Variants in LRRC7 observed in about 807,000 individuals in gnomAD.
LRRC7 encodes leucine rich repeat containing 7.
Under a neutral mutation model 175.7 loss-of-function variants are expected in LRRC7, and 23 were observed. The observed-to-expected ratio is 0.13, with a 90% CI of 0.09 to 0.19. The LOEUF (loss-of-function observed/expected upper bound fraction) is 0.19. LRRC7 is among the 10% of genes least tolerant of loss of function. The pLI is 1.00. For synonymous variants in LRRC7, 685 were observed against 680.9 expected (o/e 1.01, Z -0.09); for missense variants, 1,354 against 1,904.7 (o/e 0.71, Z 5.38).
intron 7 of LRRC7, among the ~76,000 whole-genome samples, chr1:69,918,163 G>A (rs1271060223): frequency 6.6e-6 from 1 of 152,122 alleles, no homozygotes; most frequent in Non-Finnish European, 1.5e-5. Flanking sequence ...GCCCTTCAGA[G>A]CAGAGGCTGT....
chr1:70,016,074 A>C lies in LRRC7; in HGVS notation c.1251-391A>C. Among the ~76,000 whole-genome samples, 2 of 152,196 alleles carry C rather than the reference A, an allele frequency of 1.3e-5. 1 individual carries two copies. Among genetic ancestry groups the C allele is most frequent in the East Asian group, 3.9e-4 (2 of 5,194 alleles). On this transcript the variant is annotated intron_variant, in intron 13 of 26. Transcript: ENST00000651989. ...TCTTTGAGAAGATGGCATTTAAGCT[A>C]AGAGTGAATAGATACGTGGGATTCA...
intron 4 of LRRC7, among the ~76,000 whole-genome samples, chr1:69,825,057 G>T (rs1395886742): frequency 6.6e-6 from 1 of 152,028 alleles, no homozygotes; most frequent in South Asian, 2.1e-4. Context: ...GTGTTTTTCT[G>T]TCACACAGCC....
chr1:69,652,080 T>C (rs1179375425), intron 1 of LRRC7, among the ~76,000 whole-genome samples: 11 of 152,304 alleles, frequency 7.2e-5, no homozygotes, highest in African/African-American at 2.6e-4. Flanking sequence ...TTGCCTTACT[T>C]AGGGCCCTGA....
intron 1 of LRRC7, among the ~76,000 whole-genome samples, chr1:69,614,698 T>C (rs922312578): frequency 1.3e-5 from 2 of 152,100 alleles, no homozygotes; most frequent in African/African-American, 4.8e-5. Context: ...TCCTGTTAAC[T>C]TCTGTGTGAC....
At chr1:69,749,405 A>G (rs1669586724) in intron 2 of LRRC7, among the ~76,000 whole-genome samples, 1 of 152,168 alleles carries the variant, frequency 6.6e-6, no homozygotes, top group Admixed American at 6.5e-5. Flanking sequence ...TAAATATGGA[A>G]CAGAAGATTT....
At chr1:70,049,796 A>C (rs1370755271) in intron 22 of LRRC7, among the ~76,000 whole-genome samples, 1 of 152,100 alleles carries the variant, frequency 6.6e-6, no homozygotes, top group African/African-American at 2.4e-5. Flanking sequence ...GATGGAAATG[A>C]ATAATATAAC....
chr1:69,749,325 T>C (rs1669577249), intron 2 of LRRC7, among the ~76,000 whole-genome samples: 1 of 152,154 alleles, frequency 6.6e-6, no homozygotes, highest in Admixed American at 6.6e-5. Context: ...TAAGTTGATG[T>C]TCTTTAGTGT....
intron 9 of LRRC7, 75 bp downstream of exon 9, chr1:69,980,528 C>T (rs945066189): frequency 1.7e-6 from 2 of 1,163,192 alleles, no homozygotes; most frequent in Non-Finnish European, 2.5e-6. Context: ...AATCTCAACT[C>T]TTAAATTTCA....
At chr1:70,014,425 T>C (rs960053590) in intron 13 of LRRC7, among the ~76,000 whole-genome samples, 1 of 151,982 alleles carries the variant, frequency 6.6e-6, no homozygotes, top group African/African-American at 2.4e-5. Flanking sequence ...GTGAAATTTA[T>C]GAATAATACA....
intron 5 of LRRC7, 54 bp from the exon 6 acceptor site, chr1:69,834,726 T>G: frequency 7.5e-7 from 1 of 1,324,696 alleles, no homozygotes; most frequent in Non-Finnish European, 1.1e-6. Flanking sequence ...ATTTTTTTTG[T>G]TCTGTTTCTA....
intron 1 of LRRC7, among the ~76,000 whole-genome samples, chr1:69,654,475 A>G (rs1656319898): frequency 6.6e-6 from 1 of 152,036 alleles, no homozygotes; most frequent in Non-Finnish European, 1.5e-5. Flanking sequence ...CTTGCTTCCA[A>G]AATTAGAGTT....
chr1:69,893,689 T>C (rs535688844), intron 7 of LRRC7, among the ~76,000 whole-genome samples: 2 of 152,354 alleles, frequency 1.3e-5, no homozygotes, highest in East Asian at 3.8e-4. Flanking sequence ...CACTGAGTAA[T>C]GTACTTTCAG....
chr1:69,978,079 C>T (rs1399479175), intron 8 of LRRC7, among the ~76,000 whole-genome samples: 1 of 152,120 alleles, frequency 6.6e-6, no homozygotes, highest in African/African-American at 2.4e-5. Context: ...AGGTGGATCA[C>T]CTGAAGTCAA....
At chr1:69,817,514 C>A (rs1240147786) in intron 4 of LRRC7, among the ~76,000 whole-genome samples, 1 of 151,900 alleles carries the variant, frequency 6.6e-6, no homozygotes, top group Non-Finnish European at 1.5e-5. Flanking sequence ...CCAATATCAG[C>A]CCGTTTTGAT....
At chr1:69,631,563 G>A (rs1423942181) in intron 1 of LRRC7, among the ~76,000 whole-genome samples, 1 of 152,008 alleles carries the variant, frequency 6.6e-6, no homozygotes. Flanking sequence ...GGAGGCCAAG[G>A]TCCTCCCCCG....
intron 7 of LRRC7, among the ~76,000 whole-genome samples, chr1:69,860,958 T>C (rs1684295787): frequency 6.6e-6 from 1 of 152,018 alleles, no homozygotes; most frequent in African/African-American, 2.4e-5. Flanking sequence ...TTAGAGTTTA[T>C]AGGAGACAAA....
At chr1:69,781,485 T>G (rs61784011) in intron 3 of LRRC7, among the ~76,000 whole-genome samples, 3,482 of 151,468 alleles carry the variant, frequency 0.023, 76 homozygotes, top group Middle Eastern at 0.058. Context: ...AGGTCGAGAC[T>G]AGGCTGACCA....
intron 4 of LRRC7, among the ~76,000 whole-genome samples, chr1:69,817,557 G>A (rs141973674): frequency 1.3e-5 from 2 of 152,114 alleles, no homozygotes; most frequent in East Asian, 3.9e-4. Context: ...TTGAAATGAA[G>A]AAAGGTGAGG....
Position 69,792,175 on chromosome 1 carries a change from T to G in LRRC7, c.421+15T>G. 7.0e-7 allele frequency: 1 copy of G among 1,422,130 alleles called. No individual in the cohort carries two copies. The highest frequency in any genetic ancestry group is 1.2e-5 in the South Asian group (1 of 82,730). The allele number at this position is 1,422,130 out of a possible 1,614,324, so 88.1% of individuals were successfully genotyped here. Reference sequence around the variant, plus strand: ...CAGTAAAAATGGTAAGATTTTTCTCTCATCATAAAATACCTAGAATTTTTT... The same window carrying G: ...CAGTAAAAATGGTAAGATTTTTCTCGCATCATAAAATACCTAGAATTTTTT... On this transcript the variant is annotated intron_variant, in intron 4 of 26. Transcript: ENST00000651989.
Sources: allele counts gnomAD v4.1 joint callset (sites outside exome capture counted in the v4.1 genomes callset), GRCh38; gene constraint gnomAD v4.1.1; transcripts MANE v1.5; gene names NCBI Gene and HGNC (gene_info 2026-07-23, HGNC 2026-07-21).